GULP1: variants seen among roughly 807,000 people sequenced by gnomAD.
GULP1 encodes GULP PTB domain containing engulfment adaptor 1.
Under a neutral mutation model 40.9 loss-of-function variants are expected in GULP1, and 19 were observed. The ratio of observed to expected loss-of-function variants is 0.46; its 90% CI spans 0.32 to 0.68. GULP1 has a LOEUF of 0.68. Ranked by LOEUF, GULP1 falls within the 30% of genes least tolerant of loss-of-function variation. GULP1 has a pLI of 0.03. For missense variants in GULP1, 312 were observed against 362.2 expected, an observed-to-expected ratio of 0.86 and a Z score of 1.12; for synonymous variants, 119 against 117.6, an observed-to-expected ratio of 1.01 and a Z score of -0.08.
chr2:188,348,105 C>T (rs2043939383), intron 1 of GULP1, among the ~76,000 whole-genome samples: 1 of 152,064 alleles, frequency 6.6e-6, no homozygotes, highest in Admixed American at 6.6e-5. Flanking sequence ...TTGAGAAACT[C>T]ATGAATTTAT....
chr2:188,357,459 G>A (rs1419800252), intron 1 of GULP1, among the ~76,000 whole-genome samples: 4 of 152,090 alleles, frequency 2.6e-5, no homozygotes, highest in South Asian at 4.1e-4. Context: ...GCTTGACATC[G>A]CTAGTCATCA....
At chr2:188,548,733 G>A (rs1015232066) in intron 7 of GULP1, among the ~76,000 whole-genome samples, 3 of 151,772 alleles carry the variant, frequency 2.0e-5, no homozygotes, top group Non-Finnish European at 1.5e-5. Flanking sequence ...AAAGACAATA[G>A]GTCAATGGAA....
intron 2 of GULP1, among the ~76,000 whole-genome samples, chr2:188,389,462 C>T (rs2152540107): frequency 6.6e-6 from 1 of 152,208 alleles, no homozygotes; most frequent in South Asian, 2.1e-4. Flanking sequence ...TAGCCTTACA[C>T]TTTCCAGCAG....
chr2:188,382,397 G>T (rs1341089632), intron 1 of GULP1, among the ~76,000 whole-genome samples: 1 of 152,116 alleles, frequency 6.6e-6, no homozygotes, highest in East Asian at 1.9e-4. Flanking sequence ...AGTGTTACAG[G>T]CCTGATAATG....
chr2:188,417,759 G>A (rs542998873), intron 2 of GULP1, among the ~76,000 whole-genome samples: 2 of 151,988 alleles, frequency 1.3e-5, no homozygotes, highest in South Asian at 4.2e-4. Context: ...TTAGGGAAGA[G>A]CTTATATTTC....
chr2:188,431,721 A>G (rs2056895695), intron 2 of GULP1, among the ~76,000 whole-genome samples: 1 of 152,056 alleles, frequency 6.6e-6, no homozygotes, highest in South Asian at 2.1e-4. Context: ...CAACATGCTC[A>G]TACTTTCTAT....
chr2:188,296,765 T>C (rs1315631725), intron 1 of GULP1, among the ~76,000 whole-genome samples: 1 of 152,072 alleles, frequency 6.6e-6, no homozygotes, highest in Admixed American at 6.5e-5. Context: ...CATCTAGATA[T>C]CAATACCTGC....
At chr2:188,364,965 C>T (rs1240012777) in intron 1 of GULP1, among the ~76,000 whole-genome samples, 2 of 151,250 alleles carry the variant, frequency 1.3e-5, no homozygotes, top group Non-Finnish European at 3.0e-5. Context: ...TGGGTCAATT[C>T]ATTTTCATTT....
At chr2:188,488,827 T>A (rs887468354) in intron 4 of GULP1, among the ~76,000 whole-genome samples, 3 of 152,016 alleles carry the variant, frequency 2.0e-5, no homozygotes, top group African/African-American at 7.2e-5. Flanking sequence ...AACAGCATTC[T>A]GGAACAAAAT....
intron 9 of GULP1, among the ~76,000 whole-genome samples, chr2:188,580,390 A>G (rs1576266760): frequency 6.6e-6 from 1 of 151,868 alleles, no homozygotes; most frequent in South Asian, 2.1e-4. Context: ...CGTCTCTACT[A>G]AAAATACAAA....
At chr2:188,328,515 T>C (rs1358804969) in intron 1 of GULP1, among the ~76,000 whole-genome samples, 1 of 152,120 alleles carries the variant, frequency 6.6e-6, no homozygotes, top group Non-Finnish European at 1.5e-5. Context: ...TCAGCAAAAA[T>C]ATATTGCTTG....
At chr2:188,423,191 C>T (rs1002389099) in intron 2 of GULP1, among the ~76,000 whole-genome samples, 21 of 152,040 alleles carry the variant, frequency 1.4e-4, no homozygotes, top group Admixed American at 1.1e-3. Flanking sequence ...TTTTCTGTTG[C>T]ACCACACTCA....
intron 7 of GULP1, among the ~76,000 whole-genome samples, chr2:188,550,596 T>G (rs1693198968): frequency 6.6e-6 from 1 of 151,594 alleles, no homozygotes; most frequent in African/African-American, 2.4e-5. Context: ...AACTTCATTT[T>G]TACATCTTAA....
chr2:188,332,395 G>A (rs1394399068), intron 1 of GULP1, among the ~76,000 whole-genome samples: 1 of 152,038 alleles, frequency 6.6e-6, no homozygotes, highest in Non-Finnish European at 1.5e-5. Context: ...TCGCCATGTT[G>A]GCCAGGCTGG....
chr2:188,357,776 G>A (rs1455313745), intron 1 of GULP1, among the ~76,000 whole-genome samples: 1 of 152,092 alleles, frequency 6.6e-6, no homozygotes, highest in Non-Finnish European at 1.5e-5. Context: ...ATCAAGATAT[G>A]TCCATTAACA....
intron 1 of GULP1, among the ~76,000 whole-genome samples, chr2:188,295,928 G>T (rs577562750): frequency 6.6e-6 from 1 of 152,058 alleles, no homozygotes; most frequent in African/African-American, 2.4e-5. Context: ...AATGGTAGGT[G>T]ATTTTAATTT....
chr2:188,354,521 A>G (rs2044990639), intron 1 of GULP1, among the ~76,000 whole-genome samples: 2 of 152,128 alleles, frequency 1.3e-5, no homozygotes, highest in African/African-American at 4.8e-5. Flanking sequence ...CAGGACCCAT[A>G]TGCCACAGTA....
chr2:188,363,273 G>T (rs1324484716), intron 1 of GULP1, among the ~76,000 whole-genome samples: 1 of 152,002 alleles, frequency 6.6e-6, no homozygotes, highest in Non-Finnish European at 1.5e-5. Flanking sequence ...AATGTTTTTA[G>T]TCTATAGATG....
At chr2:188,404,601 G>C (rs892660262) in intron 2 of GULP1, among the ~76,000 whole-genome samples, 2 of 152,202 alleles carry the variant, frequency 1.3e-5, no homozygotes, top group Admixed American at 6.5e-5. Flanking sequence ...TACCAGGACA[G>C]ATCCCTCAGC....
Sources: gnomAD v4.1 joint callset for allele counts (sites outside exome capture counted in the v4.1 genomes callset) on GRCh38, gnomAD v4.1.1 for gene constraint, MANE v1.5 for transcripts, NCBI Gene and HGNC (gene_info 2026-07-23, HGNC 2026-07-21) for gene names.